LDLRAD4: variants seen among roughly 807,000 people sequenced by gnomAD.
LDLRAD4 encodes the protein low-density lipoprotein receptor class A domain-containing protein 4.
A neutral mutation model predicts 17.0 loss-of-function variants in LDLRAD4; 5 were observed. The ratio of observed to expected loss-of-function variants is 0.29; its 90% CI spans 0.15 to 0.62. The LOEUF (loss-of-function observed/expected upper bound fraction) is 0.62. Ranked by LOEUF, LDLRAD4 falls within the 20% of genes least tolerant of loss-of-function variation. The pLI, the probability that LDLRAD4 is intolerant of heterozygous loss-of-function variation, is 0.84. For missense variants in LDLRAD4, 340 were observed against 424.7 expected, an observed-to-expected ratio of 0.80 and a Z score of 1.75; for synonymous variants, 168 against 171.8, an observed-to-expected ratio of 0.98 and a Z score of 0.17.
chr18:13,613,788 G>T (rs893747541), intron 3 of LDLRAD4: 1 of 152,246 alleles, frequency 6.6e-6, no homozygotes, highest in Non-Finnish European at 1.5e-5. Context: ...TGCCCGTGCC[G>T]TCCAAGGCAC....
At chr18:13,372,649 T>G (rs574143014) in intron 1 of LDLRAD4, among the ~76,000 whole-genome samples, 2 of 152,106 alleles carry the variant, frequency 1.3e-5, no homozygotes, top group African/African-American at 4.8e-5. Context: ...CTCTGCAGGG[T>G]TTTTCCCCTC....
At chr18:13,327,712 A>G (rs984478386) in intron 1 of LDLRAD4, among the ~76,000 whole-genome samples, 3 of 152,122 alleles carry the variant, frequency 2.0e-5, no homozygotes, top group African/African-American at 7.2e-5. Context: ...GTAGGTGGCC[A>G]TTGAGTTATG....
chr18:13,649,956 C>T, exon 6 of LDLRAD4: 1 of 397,780 alleles, frequency 2.5e-6, no homozygotes, highest in Non-Finnish European at 4.4e-6. Flanking sequence ...AAAGGGAGAA[C>T]TTCCCCTTCT....
At chr18:13,242,397 G>T (rs1330981524) in intron 1 of LDLRAD4, among the ~76,000 whole-genome samples, 1 of 152,238 alleles carries the variant, frequency 6.6e-6, no homozygotes. Flanking sequence ...TGTGGCCGGG[G>T]TGATCGGGTG....
In LDLRAD4 at chr18:13,622,223, G is replaced by C. The variant is rs1040287351; in HGVS notation, c.336+952G>C. Among the ~76,000 whole-genome samples, 1 of 152,074 alleles carries C rather than the reference G, an allele frequency of 6.6e-6. No homozygotes were observed. Among genetic ancestry groups the C allele is most frequent in the African/African-American group, 2.4e-5 (1 of 41,414 alleles). ...TCCAGGTGGGTTTCCTGGGGTGGCC[G>C]CTGGCCCTGGGACCCCTCTCAGGAG... On this transcript the variant is annotated intron_variant, in intron 4 of 5. Coordinates refer to ENST00000359446, the Ensembl canonical transcript of LDLRAD4. This position sits in a 1 kb window ranked among gnomAD's most constrained non-coding sequence, Gnocchi z 5.3.
intron 2 of LDLRAD4, among the ~76,000 whole-genome samples, chr18:13,428,957 G>A (rs1165522378): frequency 2.0e-5 from 3 of 152,166 alleles, no homozygotes; most frequent in South Asian, 2.1e-4. Context: ...GAAAGGTCAG[G>A]GATAAATGTG....
At chr18:13,641,071 C>T (rs575527331) in intron 4 of LDLRAD4, among the ~76,000 whole-genome samples, 2 of 152,184 alleles carry the variant, frequency 1.3e-5, no homozygotes, top group Non-Finnish European at 2.9e-5. Flanking sequence ...TTAAAGTACA[C>T]ATATAGAGGA....
At chr18:13,340,831 T>C (rs1463759042) in intron 1 of LDLRAD4, among the ~76,000 whole-genome samples, 1 of 152,168 alleles carries the variant, frequency 6.6e-6, no homozygotes, top group Non-Finnish European at 1.5e-5. Flanking sequence ...GCTTTTCCCC[T>C]TTGTTTTTTC....
chr18:13,642,271 C>T (rs114782013), intron 4 of LDLRAD4: 13,727 of 987,970 alleles, frequency 0.014, 341 homozygotes, highest in African/African-American at 0.093. Flanking sequence ...TGGCCCAGCC[C>T]GCCCGTTTCC....
intron 1 of LDLRAD4, among the ~76,000 whole-genome samples, chr18:13,245,552 C>T (rs1290493934): frequency 6.6e-6 from 1 of 152,104 alleles, no homozygotes; most frequent in Non-Finnish European, 1.5e-5. Flanking sequence ...AGTCAGAAGG[C>T]TCAGGGCTGG....
intron 1 of LDLRAD4, among the ~76,000 whole-genome samples, chr18:13,363,661 A>C (rs1442508735): frequency 1.3e-5 from 2 of 152,216 alleles, no homozygotes; most frequent in Non-Finnish European, 2.9e-5. Flanking sequence ...GACAGCTGAC[A>C]ATGATGATGC....
rs943115352 is a variant in LDLRAD4 at position 13,440,072 on chromosome 18, G to C, written c.181+1688G>C. ...ATCTTACTCTGTTTTCTCTGGACTT[G>C]ACTAACAGCAGACACACCACGGTAA... On this transcript the variant is annotated intron_variant, in intron 3 of 5. Coordinates refer to ENST00000359446, the Ensembl canonical transcript of LDLRAD4. This position sits in a 1 kb window ranked among gnomAD's most constrained non-coding sequence, Gnocchi z 4.4. Among the ~76,000 whole-genome samples, 2 of 152,156 alleles carry C rather than the reference G, an allele frequency of 1.3e-5. No homozygotes were observed. The highest frequency in any genetic ancestry group is 4.8e-5 in the African/African-American group (2 of 41,424).
At position 13,591,497 on chromosome 18, in the gene LDLRAD4, C is replaced by T. The variant is rs200997810; in HGVS notation, c.182-29620C>T. ...GTTTATTCTCGAGAGAGGAAGACCG[C>T]GACAGAATGTTAAAAATAAAGAAAA... On this transcript the variant is annotated intron_variant, in intron 3 of 5. Transcript: ENST00000359446. Among the ~76,000 whole-genome samples, 20 of 151,678 alleles carry T rather than the reference C, an allele frequency of 1.3e-4. No homozygotes were observed. The East Asian group carries it at 3.9e-3, about 29-fold the overall frequency.
At chr18:13,389,983 G>A (rs1178600752) in intron 2 of LDLRAD4, among the ~76,000 whole-genome samples, 1 of 147,648 alleles carries the variant, frequency 6.8e-6, no homozygotes, top group Non-Finnish European at 1.5e-5. Flanking sequence ...CCCAGCTCAC[G>A]TTTTTTTTTA....
intron 3 of LDLRAD4, among the ~76,000 whole-genome samples, chr18:13,468,507 C>A (rs1192445611): frequency 6.6e-6 from 1 of 152,098 alleles, no homozygotes; most frequent in Non-Finnish European, 1.5e-5. Flanking sequence ...TGGGTGTATA[C>A]CCAAAGGAAT....
intron 2 of LDLRAD4, among the ~76,000 whole-genome samples, chr18:13,410,514 G>A (rs1211582518): frequency 6.6e-6 from 1 of 152,096 alleles, no homozygotes; most frequent in Non-Finnish European, 1.5e-5. Flanking sequence ...ACCTTTATGG[G>A]TATGTATACC....
intron 1 of LDLRAD4, among the ~76,000 whole-genome samples, chr18:13,331,173 G>A (rs554981700): frequency 6.6e-6 from 1 of 152,362 alleles, no homozygotes; most frequent in East Asian, 1.9e-4. Flanking sequence ...AGAAGGACAG[G>A]TCACAAGTTG....
At chr18:13,532,980 G>A (rs1012763764) in intron 3 of LDLRAD4, among the ~76,000 whole-genome samples, 2 of 152,224 alleles carry the variant, frequency 1.3e-5, no homozygotes, top group African/African-American at 2.4e-5. Flanking sequence ...AACAACACTC[G>A]GGAAATGAGC....
intron 3 of LDLRAD4, among the ~76,000 whole-genome samples, chr18:13,496,492 C>T (rs1011545890): frequency 8.5e-5 from 13 of 152,258 alleles, no homozygotes; most frequent in Admixed American, 7.2e-4. Context: ...CTAAATCTTT[C>T]GTGTGGAAGT....
Sources: gnomAD v4.1 joint callset for allele counts (sites outside exome capture counted in the v4.1 genomes callset) on GRCh38, gnomAD v4.1.1 for gene constraint, Gnocchi (gnomAD v3.1) non-coding constraint, MANE v1.5 for transcripts, NCBI Gene and HGNC (gene_info 2026-07-23, HGNC 2026-07-21) for gene names.